ZNF550: variants seen among roughly 807,000 people sequenced by gnomAD.
ZNF550 encodes the protein zinc finger protein 550.
ZNF550 carries 42 observed loss-of-function variants against 40.2 expected under a neutral mutation model. The ratio of observed to expected loss-of-function variants is 1.05; its 90% CI spans 0.82 to 1.35. The LOEUF (loss-of-function observed/expected upper bound fraction) is 1.35. Ranked by LOEUF, ZNF550 falls within the 40% of genes most tolerant of loss-of-function variation. ZNF550 has a pLI of 0.00. For missense variants in ZNF550, 549 were observed against 525.2 expected (o/e 1.05, Z -0.44); for synonymous variants, 223 against 198.6 (o/e 1.12, Z -1.03).
chr19:57,553,209 A>G (rs1020062709), intron 2 of ZNF550: 1 of 152,700 alleles, frequency 6.5e-6, no homozygotes, highest in Non-Finnish European at 1.5e-5. Context: ...CACCCAATCC[A>G]TGACATTTTA....
chr19:57,545,143 C>T (rs576242786), intron 4 of ZNF550, among the ~76,000 whole-genome samples: 1 of 152,114 alleles, frequency 6.6e-6, no homozygotes, highest in African/African-American at 2.4e-5. Context: ...AAACTAATTA[C>T]CATATTCAGT....
exon 5 of ZNF550, chr19:57,542,264 G>A (rs1403292687): frequency 6.7e-6 from 1 of 150,116 alleles, no homozygotes; most frequent in Non-Finnish European, 1.5e-5. Context: ...TCCATCTTAT[G>A]GGAGAGGAAG....
In ZNF550 at chr19:57,547,475, T is replaced by A. The variant is rs751261973; in HGVS notation, c.769A>T (p.Lys257Ter). 6.2e-7 allele frequency: 1 copy of A among 1,614,164 alleles called. No homozygotes were observed. Among genetic ancestry groups the A allele is most frequent in the Non-Finnish European group, 8.5e-7 (1 of 1,180,020 alleles). The stretch of plus-strand genomic sequence containing the variant: ...CCACACTCAAGGCACTTGTATGGTT[T>A]CTCCCCGGTGTGGATGAGGTAGTGC... The change falls in exon 4 of 5, where the codon AAA (lysine) becomes TAA (stop). Residue 257 changes from lysine to a stop codon, truncating the protein, a stop_gained. Coordinates refer to ENST00000457177, the Ensembl canonical transcript of ZNF550. LOFTEE classifies it high-confidence loss of function.
At chr19:57,547,355 T>TGAA (rs1462145336) in exon 4 of ZNF550, 1 of 1,612,962 alleles carries the variant, frequency 6.2e-7, no homozygotes, top group Non-Finnish European at 8.5e-7. Context: ...GACCGGTGGG[T>TGAA]GAAGGCCTTT....
rs763072302 is a variant in ZNF550, at chr19:57,552,615, G to A, written c.250+12C>T. The stretch of plus-strand genomic sequence containing the variant: ...TGCCATGACTCCACATGACCAGCTG[G>A]TGGCTGCTTACCTGCACAGGTAGCA... On this transcript the variant is annotated intron_variant, in intron 3 of 4. Transcript: ENST00000457177. The A allele has an allele frequency of 3.1e-6, 5 of 1,589,602 alleles. No individual in the cohort carries two copies. Among genetic ancestry groups the A allele is most frequent in the South Asian group, 2.2e-5 (2 of 89,910 alleles).
intron 4 of ZNF550, chr19:57,543,949 C>CA (rs1233192733): frequency 5.0e-5 from 49 of 984,880 alleles, no homozygotes; most frequent in Non-Finnish European, 5.8e-5. Flanking sequence ...AAAAACAAAA[C>CA]AAAAAACATG....
exon 4 of ZNF550, chr19:57,547,507 A>G: frequency 6.2e-7 from 1 of 1,613,932 alleles, no homozygotes; most frequent in Non-Finnish European, 8.5e-7. Flanking sequence ...GTGCCGAATG[A>G]GAGTTGAGCT....
At chr19:57,547,143 C>G (rs752891784) in exon 4 of ZNF550, 1 of 1,611,192 alleles carries the variant, frequency 6.2e-7, no homozygotes, top group South Asian at 1.1e-5. Context: ...AGGGCTTCTC[C>G]CCAGTGTGAA....
At chr19:57,551,890 G>A (rs560790712) in intron 3 of ZNF550, among the ~76,000 whole-genome samples, 3 of 152,352 alleles carry the variant, frequency 2.0e-5, no homozygotes, top group Non-Finnish European at 4.4e-5. Context: ...GCAAAGGGCT[G>A]CTTCCGAGTC....
At chr19:57,560,594 G>A (rs2090160415), upstream of ZNF550, among the ~76,000 whole-genome samples, 2 of 152,206 alleles carry the variant, frequency 1.3e-5, no homozygotes, top group African/African-American at 4.8e-5. Flanking sequence ...ATGCACAATG[G>A]AGTTTGGGTT....
exon 4 of ZNF550, chr19:57,547,489 A>G: frequency 1.2e-6 from 2 of 1,614,086 alleles, no homozygotes; most frequent in East Asian, 2.2e-5. Context: ...CCCGGTGTGG[A>G]TGAGGTAGTG....
At chr19:57,544,299 A>G (rs2089988749) in intron 4 of ZNF550, 1 of 985,472 alleles carries the variant, frequency 1.0e-6, no homozygotes, top group Non-Finnish European at 1.2e-6. Context: ...GACTGTATGG[A>G]AAGAGCTGGA....
At position 57,543,665 on chromosome 19, in the gene ZNF550, G is replaced by T. The variant is rs1047674850; in HGVS notation, c.*519-422C>A. 4 of 984,786 alleles carry T rather than the reference G, an allele frequency of 4.1e-6. No homozygotes were observed. In the African/African-American group the frequency reaches 7.0e-5, roughly 17 times the overall value. 61.0% of individuals were successfully genotyped at this position (984,786 alleles called of 1,614,324 possible). On this transcript the variant is annotated intron_variant, in intron 4 of 4. Coordinates refer to ENST00000457177, the Ensembl canonical transcript of ZNF550. Reference sequence around the variant, plus strand: ...AAACGTTTTACCTCTGCCGGGCACGGTGGCTCACGCCTGTAATCGCAGCAC... The same window carrying T: ...AAACGTTTTACCTCTGCCGGGCACGTTGGCTCACGCCTGTAATCGCAGCAC...
At chr19:57,557,496 A>G (rs912925404) in intron 1 of ZNF550, 10 of 152,014 alleles carry the variant, frequency 6.6e-5, no homozygotes, top group African/African-American at 2.4e-4. Flanking sequence ...CATCCCCCTC[A>G]TGGAGATGGT....
exon 4 of ZNF550, chr19:57,547,882 G>A (rs767802802): frequency 1.5e-5 from 24 of 1,613,790 alleles, no homozygotes; most frequent in African/African-American, 6.7e-5. Context: ...CCCCAACCTC[G>A]AATCACTTGA....
chr19:57,559,521 G>T, intron 1 of ZNF550, 135 bp downstream of exon 1: 1 of 842,562 alleles, frequency 1.2e-6, no homozygotes, highest in Non-Finnish European at 1.6e-6. Flanking sequence ...CCGGGACCGC[G>T]CGACCCCCTT....
At chr19:57,555,090 C>T (rs1185258608) in intron 2 of ZNF550, 2 of 152,140 alleles carry the variant, frequency 1.3e-5, no homozygotes, top group Non-Finnish European at 2.9e-5. Context: ...TTATCCTGAC[C>T]CACTTTTGTT....
At chr19:57,546,303 G>T (rs1173449538) in intron 4 of ZNF550, among the ~76,000 whole-genome samples, 1 of 151,416 alleles carries the variant, frequency 6.6e-6, no homozygotes, top group Admixed American at 6.6e-5. Flanking sequence ...CTGAAGAGCT[G>T]CCCTCACTGT....
At chr19:57,544,076 A>G (rs753626614) in intron 4 of ZNF550, 2 of 985,248 alleles carry the variant, frequency 2.0e-6, no homozygotes, top group Non-Finnish European at 2.4e-6. Context: ...AATATATTGC[A>G]CCTGTTCTCA....
Sources: allele counts gnomAD v4.1 joint callset (sites outside exome capture counted in the v4.1 genomes callset), GRCh38; gene constraint gnomAD v4.1.1; transcripts MANE v1.5; gene names NCBI Gene and HGNC (gene_info 2026-07-23, HGNC 2026-07-21).